The following NMI variants were observed in gnomAD, a reference collection of about 807,000 sequenced individuals.
NMI encodes the protein N-myc and STAT interactor, also known as N-myc-interactor.
In NMI, 39 loss-of-function variants were observed where a neutral mutation model predicts 34.3. The observed-to-expected ratio is 1.14, with a 90% CI of 0.88 to 1.49. NMI has a LOEUF of 1.49. Ranked by LOEUF, NMI falls within the 40% of genes most tolerant of loss-of-function variation. The pLI is 0.00. For missense variants in NMI, 339 were observed against 358.1 expected (o/e 0.95, Z 0.43); for synonymous variants, 113 against 120.3 (o/e 0.94, Z 0.40).
At chr2:151,277,099 T>G (rs968191805) in intron 4 of NMI, among the ~76,000 whole-genome samples, 1 of 152,138 alleles carries the variant, frequency 6.6e-6, no homozygotes, top group African/African-American at 2.4e-5. Flanking sequence ...CTTATAAAAC[T>G]TCACATGTGT....
chr2:151,271,944 C>G lies in NMI; in HGVS notation c.635-212G>C, dbSNP rs1683195449. 3.3e-5 allele frequency among the ~76,000 whole-genome samples: 5 copies of G among 152,150 alleles called. No individual in the cohort carries two copies. The South Asian group carries it at 1.0e-3, about 32-fold the overall frequency. On this transcript the variant is annotated intron_variant, in intron 6 of 7. Transcript: ENST00000243346. ...AATAATGAGGTTTAAAGCCTTCATTCCATCTTGAATTATTCACTGCAGTCA... is the reference window on the plus strand; with the variant it reads ...AATAATGAGGTTTAAAGCCTTCATTGCATCTTGAATTATTCACTGCAGTCA...
chr2:151,274,344 C>CAAAAAAAAAAAA (rs773276443), intron 6 of NMI, among the ~76,000 whole-genome samples: 1 of 54,672 alleles, frequency 1.8e-5, no homozygotes, highest in African/African-American at 7.0e-5. Context: ...CTCTGTCTCA[C>CAAAAAAAAAAAA]AAAAAAAAAA....
chr2:151,279,471 T>TTTTATTTA (rs147844559), intron 3 of NMI, among the ~76,000 whole-genome samples: 2 of 151,958 alleles, frequency 1.3e-5, no homozygotes, highest in African/African-American at 4.8e-5. Context: ...AATTAGATAA[T>TTTTATTTA]TTTATTTATT....
intron 6 of NMI, 67 bp from the exon 7 acceptor site, chr2:151,271,799 C>A: frequency 1.3e-6 from 1 of 785,574 alleles, no homozygotes; most frequent in Non-Finnish European, 2.2e-6. Flanking sequence ...AAAGTTAAAA[C>A]TTCCTTCAAA....
chr2:151,275,627 A>AC lies in NMI; in HGVS notation c.490_491insG (p.Ile164SerfsTer3), dbSNP rs755292943. The AC allele has an allele frequency of 1.2e-6, 2 of 1,614,174 alleles. No homozygotes were observed. The highest frequency in any genetic ancestry group is 1.7e-6 in the Non-Finnish European group (2 of 1,179,994). Reference sequence around the variant, plus strand: ...TTGATCTTCACGCAATGTGTCAGGAATTTCAGTAACATTGATTTTCATTTT... The same window carrying AC: ...TTGATCTTCACGCAATGTGTCAGGAACTTTCAGTAACATTGATTTTCATTTT... On this transcript the variant is annotated frameshift_variant, in exon 6 of 8. Coordinates refer to ENST00000243346, the MANE Select transcript of NMI (RefSeq NM_004688.3). LOFTEE classifies it high-confidence loss of function.
At position 151,278,840 on chromosome 2, in the gene NMI, C is replaced by T; in HGVS notation, c.328G>A (p.Glu110Lys). The change falls in exon 4 of 8, where the codon GAA (glutamate) becomes AAA (lysine). Residue 110 changes from glutamate to lysine, a missense_variant. Coordinates refer to ENST00000243346, the MANE Select transcript of NMI (RefSeq NM_004688.3). The stretch of plus-strand genomic sequence containing the variant: ...ACATTAGTCATACCTTCTTCTTTTT[C>T]AAAGGTGATAAGTGCTTGTCCTTTT... ...IQKGQALITF[E>K]KEEVAQNVVS... 3.1e-6 allele frequency: 5 copies of T among 1,612,886 alleles called. No homozygotes were observed. The highest frequency in any genetic ancestry group is 4.2e-6 in the Non-Finnish European group (5 of 1,179,406).
At chr2:151,289,388 G>T (rs1302301997) in intron 1 of NMI, among the ~76,000 whole-genome samples, 2 of 152,230 alleles carry the variant, frequency 1.3e-5, no homozygotes, top group African/African-American at 2.4e-5. Context: ...CTGCACAGCG[G>T]GCCCAGGAGC....
Position 151,275,561 on chromosome 2 carries a change from T to C in NMI, c.557A>G (p.Asn186Ser), listed in dbSNP as rs1471463582. ...CACGCGGTCCACCTCTCCGCCTCCA[T>C]TTCGGGACTTTGAAAAGCTCAGCTC... The part of the protein sequence containing the change: ...KLELSFSKSR[N>S]GGGEVDRVDY... The change falls in exon 6 of 8, where the codon AAT becomes AGT. Residue 186 changes from asparagine to serine, a missense_variant. Coordinates refer to ENST00000243346, the MANE Select transcript of NMI (RefSeq NM_004688.3). The C allele has an allele frequency of 6.2e-7, 1 of 1,614,224 alleles. No homozygotes were observed. The highest frequency in any genetic ancestry group is 1.1e-5 in the South Asian group (1 of 91,088).
At chr2:151,278,485 ATGTGAT>A (rs1683328216) in intron 4 of NMI, 2 of 196,974 alleles carry the variant, frequency 1.0e-5, no homozygotes, top group African/African-American at 4.7e-5. Flanking sequence ...TGAGTATAAA[ATGTGAT>A]AATGTCTCTG....
chr2:151,277,800 T>A lies in NMI; in HGVS notation c.340+1028A>T, dbSNP rs917987442. Reference sequence around the variant, plus strand: ...ACCAGTTTTGAGGAAACATGGGTTATAGACTGTCAGAATATGAGCACTGGA... The same window carrying A: ...ACCAGTTTTGAGGAAACATGGGTTAAAGACTGTCAGAATATGAGCACTGGA... On this transcript the variant is annotated intron_variant, in intron 4 of 7. Coordinates refer to ENST00000243346, the MANE Select transcript of NMI (RefSeq NM_004688.3). 8 of 152,230 alleles carry A rather than the reference T, an allele frequency of 5.3e-5. No homozygotes were observed. In the East Asian group the frequency reaches 1.5e-3, roughly 29 times the overall value. 9.4% of individuals were successfully genotyped at this position (152,230 alleles called of 1,614,324 possible). A position where few individuals can be genotyped will look rare whatever the true frequency, so the allele number is the denominator to read the frequency against.
chr2:151,275,296 A>G (rs1683270893), intron 6 of NMI, among the ~76,000 whole-genome samples, 188 bp downstream of exon 6: 1 of 152,082 alleles, frequency 6.6e-6, no homozygotes, highest in Non-Finnish European at 1.5e-5. Context: ...TTGTAGCAAT[A>G]TTATCTTTCC....
At chr2:151,289,029 G>T (rs1316933113) in intron 1 of NMI, 1 of 152,216 alleles carries the variant, frequency 6.6e-6, no homozygotes, top group African/African-American at 2.4e-5. Context: ...GGATCACGAG[G>T]TCAGGAGATC....
intron 6 of NMI, among the ~76,000 whole-genome samples, chr2:151,273,417 C>A (rs533788082): frequency 1.3e-5 from 2 of 152,342 alleles, no homozygotes; most frequent in South Asian, 4.1e-4. Flanking sequence ...TAGATGTAAC[C>A]TCTAGGAGAA....
chr2:151,275,993 T>C, intron 4 of NMI, 129 bp from the exon 5 acceptor site: 1 of 652,824 alleles, frequency 1.5e-6, no homozygotes, highest in Non-Finnish European at 2.5e-6. Flanking sequence ...ATTTTAAAAA[T>C]TTGGCGGGCG....
intron 6 of NMI, among the ~76,000 whole-genome samples, chr2:151,272,251 A>G (rs1184838305): frequency 1.3e-5 from 2 of 152,244 alleles, no homozygotes; most frequent in Admixed American, 1.3e-4. Context: ...TACAACACAA[A>G]GAATAGTCTA....
At chr2:151,279,342 A>G (rs1413494232) in intron 3 of NMI, among the ~76,000 whole-genome samples, 1 of 152,234 alleles carries the variant, frequency 6.6e-6, no homozygotes, top group Non-Finnish European at 1.5e-5. Context: ...ATAATAGACT[A>G]TCTCAAAAGG....
At chr2:151,279,938 G>T (rs539403214) in intron 3 of NMI, among the ~76,000 whole-genome samples, 2 of 151,868 alleles carry the variant, frequency 1.3e-5, no homozygotes, top group East Asian at 3.9e-4. Context: ...GCTCACACTC[G>T]TAATCCCAGC....
chr2:151,285,880 A>C (rs1347411737), intron 1 of NMI, among the ~76,000 whole-genome samples: 1 of 152,204 alleles, frequency 6.6e-6, no homozygotes, highest in East Asian at 1.9e-4. Flanking sequence ...TGATGATGAC[A>C]TGTTGAAACG....
At chr2:151,270,930 A>G (rs560785621) in intron 7 of NMI, 55 bp from the exon 8 acceptor site, 3 of 1,292,682 alleles carry the variant, frequency 2.3e-6, no homozygotes, top group Middle Eastern at 1.8e-4. Context: ...GAATTACAAA[A>G]CTTTACATTC....
Sources: gnomAD v4.1 joint callset for allele counts (sites outside exome capture counted in the v4.1 genomes callset) on GRCh38, gnomAD v4.1.1 for gene constraint, MANE v1.5 for transcripts, NCBI Gene and HGNC (gene_info 2026-07-23, HGNC 2026-07-21) for gene names.